SLCO3A1: variants seen among roughly 807,000 people sequenced by gnomAD.
SLCO3A1 encodes the protein solute carrier organic anion transporter family member 3A1.
SLCO3A1 carries 27 observed loss-of-function variants against 63.1 expected under a neutral mutation model. The observed-to-expected ratio is 0.43, with a 90% CI of 0.32 to 0.59. The LOEUF is 0.59. SLCO3A1 is among the 20% of genes least tolerant of loss of function. The pLI is 0.09. For missense variants in SLCO3A1, 773 were observed against 945.8 expected (o/e 0.82, Z 2.40); for synonymous variants, 473 against 409.9 (o/e 1.15, Z -1.86).
Position 91,916,431 on chromosome 15 carries a change from C to T in SLCO3A1, c.619C>T (p.Arg207Trp). The change falls in exon 2 of 10, where the codon CGG becomes TGG. Residue 207 changes from arginine to tryptophan, a missense_variant. Coordinates refer to ENST00000318445, the MANE Select transcript of SLCO3A1 (RefSeq NM_013272.4). This position sits in a 1 kb window ranked among gnomAD's most constrained non-coding sequence, Gnocchi z 6.2. ...LGVSYIDDHV[R>W]RKDSSLYIGI... ...CGTCTCCTACATCGACGACCACGTG[C>T]GGAGGAAGGACTCCTCGCTCTATAT... 1.2e-6 allele frequency: 2 copies of T among 1,611,766 alleles called. No individual in the cohort carries two copies. Among genetic ancestry groups the T allele is most frequent in the Non-Finnish European group, 1.7e-6 (2 of 1,179,258 alleles).
intron 2 of SLCO3A1, among the ~76,000 whole-genome samples, chr15:92,070,145 A>G (rs2047197729): frequency 6.6e-6 from 1 of 152,026 alleles, no homozygotes; most frequent in South Asian, 2.1e-4. Flanking sequence ...TTAAGAAATC[A>G]CTCACGCTCT....
At chr15:92,095,031 C>T (rs753370739) in intron 3 of SLCO3A1, 52 bp downstream of exon 3, 9 of 1,260,038 alleles carry the variant, frequency 7.1e-6, no homozygotes, top group African/African-American at 5.8e-5. Flanking sequence ...TTTCCTCCCT[C>T]ATAAATGCGG....
At chr15:92,080,715 G>T (rs935772342) in intron 2 of SLCO3A1, among the ~76,000 whole-genome samples, 1 of 152,182 alleles carries the variant, frequency 6.6e-6, no homozygotes, top group Non-Finnish European at 1.5e-5. Flanking sequence ...GCTCACACTC[G>T]TGGCGGCATA....
At chr15:91,918,898 CCTGCAGAG>C (rs1415777899) in intron 2 of SLCO3A1, among the ~76,000 whole-genome samples, 1 of 152,160 alleles carries the variant, frequency 6.6e-6, no homozygotes, top group Non-Finnish European at 1.5e-5. Context: ...GGTTCCAGCT[CCTGCAGAG>C]TTGGTCTAGA....
intron 9 of SLCO3A1, among the ~76,000 whole-genome samples, chr15:92,151,718 A>T (rs2048308411): frequency 1.3e-5 from 2 of 152,224 alleles, no homozygotes; most frequent in South Asian, 4.1e-4. Context: ...TGTTAAGGCC[A>T]AGATCAAGAT....
rs1032103481 is a variant in SLCO3A1, at chr15:91,968,070, C to T, written c.646+51612C>T. 6.6e-6 allele frequency among the ~76,000 whole-genome samples: 1 copy of T among 152,140 alleles called. No individual in the cohort carries two copies. Among genetic ancestry groups the T allele is most frequent in the African/African-American group, 2.4e-5 (1 of 41,436 alleles). On this transcript the variant is annotated intron_variant, in intron 2 of 9. Transcript: ENST00000318445. This position sits in a 1 kb window ranked among gnomAD's most constrained non-coding sequence, Gnocchi z 4.2. Reference sequence around the variant, plus strand: ...CTGAACATTTTCTAGAGTCCCCTGCCTAGTCGCCCTGGAAAGTACCCAGGG... The same window carrying T: ...CTGAACATTTTCTAGAGTCCCCTGCTTAGTCGCCCTGGAAAGTACCCAGGG...
chr15:91,966,599 C>G (rs1291944168), intron 2 of SLCO3A1, among the ~76,000 whole-genome samples: 1 of 152,198 alleles, frequency 6.6e-6, no homozygotes, highest in Admixed American at 6.5e-5. Context: ...ATTTTGAGGA[C>G]TCAAGTTTTC....
At chr15:91,898,720 G>T (rs1405592858) in intron 1 of SLCO3A1, among the ~76,000 whole-genome samples, 2 of 152,092 alleles carry the variant, frequency 1.3e-5, no homozygotes, top group African/African-American at 4.8e-5. Context: ...ACTTCTGGGT[G>T]GGGGAGGGAG....
intron 4 of SLCO3A1, among the ~76,000 whole-genome samples, chr15:92,110,637 C>G (rs1286877900): frequency 6.6e-6 from 1 of 152,206 alleles, no homozygotes; most frequent in Non-Finnish European, 1.5e-5. Context: ...TGGTGGTACC[C>G]CTTCCAAGGC....
intron 2 of SLCO3A1, among the ~76,000 whole-genome samples, chr15:92,011,729 T>C (rs1444236982): frequency 6.6e-6 from 1 of 152,254 alleles, no homozygotes; most frequent in Non-Finnish European, 1.5e-5. Flanking sequence ...GGGCTCAGCT[T>C]TGCCAAGGGC....
intron 2 of SLCO3A1, among the ~76,000 whole-genome samples, chr15:92,007,996 A>G (rs1014539924): frequency 6.6e-6 from 1 of 152,146 alleles, no homozygotes; most frequent in African/African-American, 2.4e-5. Context: ...CTACAGGTCA[A>G]ATGTCTCCGA....
intron 2 of SLCO3A1, among the ~76,000 whole-genome samples, chr15:92,022,539 A>C (rs546514727): frequency 6.6e-6 from 1 of 152,330 alleles, no homozygotes; most frequent in Non-Finnish European, 1.5e-5. Flanking sequence ...CTGCCTTATT[A>C]CAAAACGCTC....
At chr15:92,016,218 TAG>T (rs2046425881) in intron 2 of SLCO3A1, among the ~76,000 whole-genome samples, 1 of 84,646 alleles carries the variant, frequency 1.2e-5, no homozygotes, top group East Asian at 4.7e-4. Context: ...GATAGATAGA[TAG>T]ATAGATAGAT....
chr15:92,134,271 T>C (rs1184107062), intron 7 of SLCO3A1, among the ~76,000 whole-genome samples: 1 of 152,254 alleles, frequency 6.6e-6, no homozygotes, highest in African/African-American at 2.4e-5. Context: ...TTTAAAAGTC[T>C]GTACTTATCC....
intron 2 of SLCO3A1, among the ~76,000 whole-genome samples, chr15:91,930,343 T>C (rs958215735): frequency 6.6e-6 from 1 of 152,180 alleles, no homozygotes. Flanking sequence ...TCCTTCACAT[T>C]GCCACTGTTC....
downstream of SLCO3A1, among the ~76,000 whole-genome samples, chr15:92,169,361 C>T (rs2048509468): frequency 6.6e-6 from 1 of 152,186 alleles, no homozygotes; most frequent in Non-Finnish European, 1.5e-5. Flanking sequence ...CCAGGTAAGA[C>T]ACGAGGGACC....
At chr15:91,988,141 G>A (rs916980452) in intron 2 of SLCO3A1, among the ~76,000 whole-genome samples, 2 of 152,238 alleles carry the variant, frequency 1.3e-5, no homozygotes, top group African/African-American at 4.8e-5. Flanking sequence ...GGTGGTGCAC[G>A]CCTATAATTC....
In SLCO3A1 at chr15:92,163,647, G is replaced by T; in HGVS notation, c.*512G>T. 4 of 985,282 alleles carry T rather than the reference G, an allele frequency of 4.1e-6. No homozygotes were observed. Among genetic ancestry groups the T allele is most frequent in the Non-Finnish European group, 4.8e-6 (4 of 829,932 alleles). The allele number at this position is 985,282 out of a possible 1,614,324, so 61.0% of individuals were successfully genotyped here. Reference sequence around the variant, plus strand: ...CCCTCTTCCTCCAGGTGGGGGTGGGGGCGGGCGCACAAGTCGGAGGGGTGG... The same window carrying T: ...CCCTCTTCCTCCAGGTGGGGGTGGGTGCGGGCGCACAAGTCGGAGGGGTGG... On this transcript the variant is annotated 3_prime_UTR_variant, in exon 10 of 10. Transcript: ENST00000318445.
chr15:91,888,422 T>C (rs1168174005), intron 1 of SLCO3A1, among the ~76,000 whole-genome samples: 1 of 152,222 alleles, frequency 6.6e-6, no homozygotes, highest in Non-Finnish European at 1.5e-5. Context: ...AATCCAGTTA[T>C]ACAAATGACA....
Sources: gnomAD v4.1 joint callset for allele counts (sites outside exome capture counted in the v4.1 genomes callset) on GRCh38, gnomAD v4.1.1 for gene constraint, Gnocchi (gnomAD v3.1) non-coding constraint, MANE v1.5 for transcripts, NCBI Gene and HGNC (gene_info 2026-07-23, HGNC 2026-07-21) for gene names.